Variants in CCSER1 observed in about 807,000 individuals in gnomAD.
The protein encoded by CCSER1 is serine-rich coiled-coil domain-containing protein 1.
In CCSER1, 41 loss-of-function variants were observed where a neutral mutation model predicts 82.0. The ratio of observed to expected loss-of-function variants is 0.50; its 90% CI spans 0.39 to 0.65. The LOEUF is 0.65. CCSER1 is among the 30% of genes least tolerant of loss of function. The pLI is 0.00. For missense variants in CCSER1, 1,119 were observed against 1,064.2 expected, an observed-to-expected ratio of 1.05 and a Z score of -0.72; for synonymous variants, 414 against 383.9, an observed-to-expected ratio of 1.08 and a Z score of -0.92.
intron 1 of CCSER1, among the ~76,000 whole-genome samples, chr4:90,241,531 G>A (rs1203521238): frequency 1.3e-5 from 2 of 151,994 alleles, no homozygotes; most frequent in Admixed American, 6.6e-5. Context: ...TTTCCTAGCA[G>A]CCAGAACACT....
chr4:90,920,654 C>G (rs1229404072), intron 8 of CCSER1, among the ~76,000 whole-genome samples: 1 of 151,814 alleles, frequency 6.6e-6, no homozygotes, highest in Non-Finnish European at 1.5e-5. Flanking sequence ...TCCAACATAC[C>G]ATTTCCATAC....
At chr4:90,413,997 T>A (rs1755414008) in intron 4 of CCSER1, among the ~76,000 whole-genome samples, 1 of 118,998 alleles carries the variant, frequency 8.4e-6, no homozygotes, top group African/African-American at 3.1e-5. Flanking sequence ...TATATATATA[T>A]ATATATATAT....
chr4:91,543,769 A>G (rs1280910161), intron 10 of CCSER1, among the ~76,000 whole-genome samples: 1 of 152,020 alleles, frequency 6.6e-6, no homozygotes, highest in African/African-American at 2.4e-5. Flanking sequence ...GAATCTGACA[A>G]TTATGTGTCT....
At chr4:91,576,114 A>G (rs899922546) in intron 10 of CCSER1, among the ~76,000 whole-genome samples, 3 of 152,030 alleles carry the variant, frequency 2.0e-5, no homozygotes, top group African/African-American at 7.2e-5. Context: ...ATGTCCACTG[A>G]TGGACGAATG....
Position 91,259,137 on chromosome 4 carries a change from G to A in CCSER1, c.2217+173143G>A, listed in dbSNP as rs559656097. Among the ~76,000 whole-genome samples, 15 of 152,114 alleles carry A rather than the reference G, an allele frequency of 9.9e-5. No homozygotes were observed. The East Asian group carries it at 2.9e-3, about 29-fold the overall frequency. ...TGAAAAATAAAATGACATTGAAAAAGAGTCTAGATAGAAGCAAGATTTGAA... is the reference window on the plus strand; with the variant it reads ...TGAAAAATAAAATGACATTGAAAAAAAGTCTAGATAGAAGCAAGATTTGAA... On this transcript the variant is annotated intron_variant, in intron 10 of 10. Transcript: ENST00000509176.
chr4:90,630,131 C>A (rs1420920265), intron 6 of CCSER1, among the ~76,000 whole-genome samples: 1 of 108,712 alleles, frequency 9.2e-6, no homozygotes, highest in Non-Finnish European at 1.7e-5. Context: ...ATGTGTATAA[C>A]TGTATGATTC....
intron 1 of CCSER1, among the ~76,000 whole-genome samples, chr4:90,276,301 TCCTTC>T (rs1560930274): frequency 4.6e-5 from 6 of 129,226 alleles, no homozygotes; most frequent in African/African-American, 1.9e-4. Context: ...CTTCCTTCCT[TCCTTC>T]CTTTCTTTCT....
At chr4:90,925,874 A>T (rs1728997802) in intron 9 of CCSER1, among the ~76,000 whole-genome samples, 1 of 152,126 alleles carries the variant, frequency 6.6e-6, no homozygotes, top group South Asian at 2.1e-4. Flanking sequence ...GAGCAAATTA[A>T]ATTTCTAAAA....
chr4:91,225,343 AATAT>A lies in CCSER1; in HGVS notation c.2217+139354_2217+139357del, dbSNP rs1174320053. ...ATATATGTATATATATTATATATGT[AATAT>A]ATATGTATATATATTATATATGTAA... On this transcript the variant is annotated intron_variant, in intron 10 of 10. Coordinates refer to ENST00000509176, the MANE Select transcript of CCSER1 (RefSeq NM_001145065.2). 1.4e-3 allele frequency among the ~76,000 whole-genome samples: 181 copies of A among 128,686 alleles called. 1 individual carries two copies. Among genetic ancestry groups the A allele is most frequent in the African/African-American group, 5.4e-3 (167 of 31,082 alleles). The allele number at this position is 128,686 out of a possible 152,430, so 84.4% of individuals were successfully genotyped here. A position where few individuals can be genotyped will look rare whatever the true frequency, so the allele number is the denominator to read the frequency against.
intron 10 of CCSER1, among the ~76,000 whole-genome samples, chr4:91,468,858 C>A (rs1223504126): frequency 1.3e-5 from 2 of 151,948 alleles, no homozygotes; most frequent in Admixed American, 1.3e-4. Context: ...AAGATGTAAG[C>A]CATTGACTCA....
intron 8 of CCSER1, among the ~76,000 whole-genome samples, chr4:90,873,288 TCTGA>T (rs1766796495): frequency 6.6e-6 from 1 of 152,078 alleles, no homozygotes; most frequent in Non-Finnish European, 1.5e-5. Context: ...TTTTGCCTCC[TCTGA>T]CTGTGTATTT....
Position 90,309,432 on chromosome 4 carries a change from A to G in CCSER1, c.1148A>G (p.Glu383Gly). The change falls in exon 2 of 11, where the codon GAA becomes GGA. Residue 383 changes from glutamate to glycine, a missense_variant. Transcript: ENST00000509176. ...GAAAATATAGGGTTACAAAATGGTG[A>G]AACAATGCTGGGGACAAACTCCCCA... ...REENIGLQNG[E>G]TMLGTNSPRK... 5.0e-6 allele frequency: 8 copies of G among 1,613,866 alleles called. No individual in the cohort carries two copies. Among genetic ancestry groups the G allele is most frequent in the Non-Finnish European group, 5.9e-6 (7 of 1,179,800 alleles).
chr4:90,170,053 T>C (rs529145696), intron 1 of CCSER1, among the ~76,000 whole-genome samples: 1 of 152,092 alleles, frequency 6.6e-6, no homozygotes, highest in Non-Finnish European at 1.5e-5. Flanking sequence ...GATTTCCTTA[T>C]TCATTTATTG....
At chr4:90,798,394 T>C (rs1213657427) in intron 7 of CCSER1, among the ~76,000 whole-genome samples, 2 of 152,200 alleles carry the variant, frequency 1.3e-5, no homozygotes, top group Non-Finnish European at 2.9e-5. Flanking sequence ...TCAGGATTTT[T>C]AGCTTCCTTG....
chr4:90,282,276 G>T (rs936579723), intron 1 of CCSER1, among the ~76,000 whole-genome samples: 2 of 151,686 alleles, frequency 1.3e-5, no homozygotes, highest in African/African-American at 4.8e-5. Context: ...TTATAAATGG[G>T]TTATCATTTT....
chr4:90,988,635 A>G (rs1736780324), intron 9 of CCSER1, among the ~76,000 whole-genome samples: 1 of 151,756 alleles, frequency 6.6e-6, no homozygotes, highest in Non-Finnish European at 1.5e-5. Flanking sequence ...TAATATTTAC[A>G]TTTAATTTTT....
intron 5 of CCSER1, among the ~76,000 whole-genome samples, chr4:90,503,831 T>A (rs904470812): frequency 1.3e-5 from 2 of 152,082 alleles, no homozygotes; most frequent in African/African-American, 4.8e-5. Flanking sequence ...ATATAATTTT[T>A]AAAATAAGCT....
chr4:91,406,657 C>A (rs1457490184), intron 10 of CCSER1, among the ~76,000 whole-genome samples: 2 of 152,108 alleles, frequency 1.3e-5, no homozygotes, highest in Non-Finnish European at 2.9e-5. Context: ...ACAATGTATT[C>A]ATGATTTTTC....
intron 10 of CCSER1, among the ~76,000 whole-genome samples, chr4:91,339,118 G>T (rs1369143433): frequency 1.3e-5 from 2 of 152,092 alleles, no homozygotes; most frequent in Admixed American, 6.6e-5. Context: ...GTGCCTCAAT[G>T]CTGAAGGAAT....
Sources: gnomAD v4.1 joint callset for allele counts (sites outside exome capture counted in the v4.1 genomes callset) on GRCh38, gnomAD v4.1.1 for gene constraint, MANE v1.5 for transcripts, NCBI Gene and HGNC (gene_info 2026-07-23, HGNC 2026-07-21) for gene names.